CELF4: variants seen among roughly 807,000 people sequenced by gnomAD.
The protein encoded by CELF4 is CUG-BP- and ETR-3-like factor 4.
A neutral mutation model predicts 59.9 loss-of-function variants in CELF4; 18 were observed. The ratio of observed to expected loss-of-function variants is 0.30; its 90% CI spans 0.21 to 0.45. The LOEUF (loss-of-function observed/expected upper bound fraction) is 0.45. Among genes scored for constraint, CELF4 ranks in the 20% least tolerant of loss-of-function variants. The pLI is 1.00. For synonymous variants in CELF4, 261 were observed against 267.1 expected (o/e 0.98, Z 0.22); for missense variants, 456 against 689.0 (o/e 0.66, Z 3.79).
chr18:37,496,506 GAAC>G (rs1045478256), intron 1 of CELF4, among the ~76,000 whole-genome samples: 1 of 152,096 alleles, frequency 6.6e-6, no homozygotes, highest in Non-Finnish European at 1.5e-5. Context: ...TTCACTTAAA[GAAC>G]AACAACACAA....
chr18:37,272,572 G>GA (rs397692958), intron 7 of CELF4, among the ~76,000 whole-genome samples: 42,502 of 104,916 alleles, frequency 0.41, 8,244 homozygotes, highest in Non-Finnish European at 0.48. Flanking sequence ...AAAGGGAAAT[G>GA]AAAAAAAAAA....
At chr18:37,463,597 C>T (rs1379881881) in intron 2 of CELF4, among the ~76,000 whole-genome samples, 1 of 152,170 alleles carries the variant, frequency 6.6e-6, no homozygotes, top group Non-Finnish European at 1.5e-5. Flanking sequence ...TCCTGCCTGC[C>T]CCTGTTCCCT....
At chr18:37,418,711 C>G (rs1020062044) in intron 2 of CELF4, among the ~76,000 whole-genome samples, 4 of 152,156 alleles carry the variant, frequency 2.6e-5, no homozygotes, top group African/African-American at 9.7e-5. Flanking sequence ...TGAGGCTAAT[C>G]AAAAAATACT....
intron 3 of CELF4, among the ~76,000 whole-genome samples, chr18:37,287,832 G>C (rs899554255): frequency 6.6e-6 from 1 of 152,198 alleles, no homozygotes; most frequent in African/African-American, 2.4e-5. Context: ...AATGTTAGAT[G>C]ATAGATAGAT....
chr18:37,340,731 C>T (rs527446354), intron 2 of CELF4, among the ~76,000 whole-genome samples: 24 of 152,286 alleles, frequency 1.6e-4, no homozygotes, highest in South Asian at 8.3e-4. Context: ...TTTTGAAGAA[C>T]GTGTCCATGC....
intron 1 of CELF4, among the ~76,000 whole-genome samples, chr18:37,530,021 C>T (rs1323545671): frequency 1.3e-5 from 2 of 152,186 alleles, no homozygotes; most frequent in Admixed American, 6.5e-5. Flanking sequence ...ACTTTGGTTA[C>T]ATCAGCGTTG....
intron 2 of CELF4, among the ~76,000 whole-genome samples, chr18:37,471,214 G>A (rs922289858): frequency 6.6e-6 from 1 of 152,076 alleles, no homozygotes; most frequent in African/African-American, 2.4e-5. Context: ...TGGAAAGGGG[G>A]ACTGAGGCAG....
chr18:37,430,889 C>T (rs1222735047), intron 2 of CELF4, among the ~76,000 whole-genome samples: 1 of 152,184 alleles, frequency 6.6e-6, no homozygotes, highest in Admixed American at 6.5e-5. Flanking sequence ...CTGGAGGTGG[C>T]GCTGGTGCTT....
At chr18:37,328,855 A>AC (rs2097428586) in intron 2 of CELF4, among the ~76,000 whole-genome samples, 1 of 152,198 alleles carries the variant, frequency 6.6e-6, no homozygotes, top group South Asian at 2.1e-4. Context: ...CACCAGCATC[A>AC]CTGCTCTGAG....
chr18:37,259,125 G>A, intron 11 of CELF4, 56 bp downstream of exon 11: 1 of 1,612,672 alleles, frequency 6.2e-7, no homozygotes, highest in Non-Finnish European at 8.5e-7. Flanking sequence ...ACCCACCAAA[G>A]CATTTACTTT....
At chr18:37,442,100 C>T (rs1350215488) in intron 2 of CELF4, among the ~76,000 whole-genome samples, 3 of 152,254 alleles carry the variant, frequency 2.0e-5, no homozygotes, top group Non-Finnish European at 4.4e-5. Context: ...CAAAGCTGGG[C>T]CTGGCCAGAC....
At chr18:37,404,743 G>A (rs1027256928) in intron 2 of CELF4, among the ~76,000 whole-genome samples, 7 of 152,196 alleles carry the variant, frequency 4.6e-5, no homozygotes, top group African/African-American at 1.7e-4. Context: ...CAAGACCAGT[G>A]TGGAGGTGTG....
intron 1 of CELF4, among the ~76,000 whole-genome samples, chr18:37,533,473 A>G (rs2099971119): frequency 6.6e-6 from 1 of 152,198 alleles, no homozygotes; most frequent in Non-Finnish European, 1.5e-5. Context: ...CAGAGAATAA[A>G]TCACCTGGTA....
Position 37,389,498 on chromosome 18 carries a change from T to C in CELF4, c.370-67617A>G, listed in dbSNP as rs1033004651. On this transcript the variant is annotated intron_variant, in intron 2 of 12. Transcript: ENST00000420428. ...CACCATCTGATCTTCAGGAAGCAAA[T>C]AGCTTGTCTTCTTGACAAGAAAGCA... 1.1e-4 allele frequency among the ~76,000 whole-genome samples: 16 copies of C among 152,226 alleles called. 2 individuals are homozygous for C. Among genetic ancestry groups the C allele is most frequent in the Admixed American group, 1.0e-3 (16 of 15,284 alleles).
intron 11 of CELF4, among the ~76,000 whole-genome samples, chr18:37,258,416 T>G (rs1287695486): frequency 1.3e-5 from 2 of 152,252 alleles, no homozygotes; most frequent in Non-Finnish European, 2.9e-5. Flanking sequence ...TTTTTGTGTA[T>G]TTATATCCAT....
intron 4 of CELF4, 86 bp downstream of exon 4, chr18:37,275,029 G>A (rs1428148273): frequency 1.9e-6 from 3 of 1,551,756 alleles, no homozygotes; most frequent in Non-Finnish European, 2.6e-6. Context: ...AGACGGCGAT[G>A]GCCCCGGAGA....
chr18:37,563,659 T>G (rs1311293127), intron 1 of CELF4, among the ~76,000 whole-genome samples: 1 of 152,160 alleles, frequency 6.6e-6, no homozygotes, highest in Non-Finnish European at 1.5e-5. Context: ...ATCTCTCTTT[T>G]GAACAGACAG....
chr18:37,344,985 C>A (rs760376188), intron 2 of CELF4, among the ~76,000 whole-genome samples: 1 of 152,184 alleles, frequency 6.6e-6, no homozygotes, highest in Non-Finnish European at 1.5e-5. Context: ...CTGCCAGAAC[C>A]CACTTCCTGT....
chr18:37,356,076 T>C (rs1003491863), intron 2 of CELF4, among the ~76,000 whole-genome samples: 4 of 152,142 alleles, frequency 2.6e-5, no homozygotes, highest in African/African-American at 9.7e-5. Flanking sequence ...ATGGGTGCAC[T>C]GAGGCCGTTT....
Sources: allele counts gnomAD v4.1 joint callset (sites outside exome capture counted in the v4.1 genomes callset), GRCh38; gene constraint gnomAD v4.1.1; transcripts MANE v1.5; gene names NCBI Gene and HGNC (gene_info 2026-07-23, HGNC 2026-07-21).